HIBADH: variants seen among roughly 807,000 people sequenced by gnomAD.
The protein encoded by HIBADH is 3-hydroxyisobutyrate dehydrogenase, mitochondrial.
HIBADH carries 25 observed loss-of-function variants against 36.1 expected under a neutral mutation model. The ratio of observed to expected loss-of-function variants is 0.69; its 90% CI spans 0.50 to 0.97. The LOEUF is 0.97. Among genes scored for constraint, HIBADH ranks in the 50% least tolerant of loss-of-function variants. The pLI is 0.00. For synonymous variants in HIBADH, 160 were observed against 149.5 expected (o/e 1.07, Z -0.51); for missense variants, 421 against 418.0 (o/e 1.01, Z -0.06).
intron 4 of HIBADH, among the ~76,000 whole-genome samples, chr7:27,585,241 G>A (rs1405122971): frequency 1.4e-5 from 2 of 142,986 alleles, no homozygotes; most frequent in African/African-American, 5.3e-5. Flanking sequence ...GTGCACACAC[G>A]TGTGCATATA....
intron 4 of HIBADH, among the ~76,000 whole-genome samples, chr7:27,610,275 T>C (rs1483499300): frequency 1.3e-5 from 2 of 152,202 alleles, no homozygotes; most frequent in Non-Finnish European, 2.9e-5. Flanking sequence ...ATTTAAAGTA[T>C]ACAATTTGGT....
At chr7:27,547,499 C>T (rs1247992527) in intron 4 of HIBADH, among the ~76,000 whole-genome samples, 1 of 152,182 alleles carries the variant, frequency 6.6e-6, no homozygotes, top group Non-Finnish European at 1.5e-5. Context: ...CATTCACTCA[C>T]ATCCACTAGC....
intron 4 of HIBADH, among the ~76,000 whole-genome samples, chr7:27,614,126 T>C (rs558152002): frequency 6.6e-6 from 1 of 152,338 alleles, no homozygotes; most frequent in East Asian, 1.9e-4. Context: ...GCTTGTTAAA[T>C]ACTTCTGTAA....
chr7:27,601,971 C>G (rs551698047), intron 4 of HIBADH, among the ~76,000 whole-genome samples: 1 of 152,024 alleles, frequency 6.6e-6, no homozygotes, highest in East Asian at 1.9e-4. Context: ...GTATTTTTCT[C>G]TATTTTGTTT....
intron 7 of HIBADH, among the ~76,000 whole-genome samples, chr7:27,527,516 G>A (rs150214782): frequency 2.9e-4 from 44 of 152,226 alleles, no homozygotes; most frequent in Admixed American, 8.5e-4. Context: ...AGCCAAGTAT[G>A]GGCACATCTT....
intron 4 of HIBADH, among the ~76,000 whole-genome samples, chr7:27,583,962 TC>T (rs1299733751): frequency 1.3e-5 from 2 of 152,006 alleles, no homozygotes; most frequent in Non-Finnish European, 2.9e-5. Flanking sequence ...ATTTTTCAAA[TC>T]TCTTTAGTTC....
chr7:27,648,559 GAA>G (rs1786118703), intron 2 of HIBADH, among the ~76,000 whole-genome samples: 2 of 151,914 alleles, frequency 1.3e-5, no homozygotes, highest in African/African-American at 2.4e-5. Flanking sequence ...TTTTTCTCAG[GAA>G]TTTTTTAGTA....
At chr7:27,633,649 C>T (rs563909574) in intron 2 of HIBADH, among the ~76,000 whole-genome samples, 30 of 151,902 alleles carry the variant, frequency 2.0e-4, no homozygotes, top group Non-Finnish European at 4.0e-4. Flanking sequence ...GGCAACAGAG[C>T]GAGACCTGTC....
chr7:27,543,730 C>A (rs2128184565), intron 4 of HIBADH, among the ~76,000 whole-genome samples: 1 of 152,250 alleles, frequency 6.6e-6, no homozygotes, highest in South Asian at 2.1e-4. Flanking sequence ...TCTTTTCCTT[C>A]CTGCTATACA....
intron 4 of HIBADH, among the ~76,000 whole-genome samples, chr7:27,626,817 T>A (rs1365885950): frequency 6.6e-6 from 1 of 152,222 alleles, no homozygotes; most frequent in Non-Finnish European, 1.5e-5. Context: ...ATGATGCATT[T>A]TTTAAAGTCT....
intron 1 of HIBADH, among the ~76,000 whole-genome samples, chr7:27,654,606 T>C (rs140979299): frequency 6.6e-5 from 10 of 152,052 alleles, no homozygotes; most frequent in Admixed American, 3.3e-4. Context: ...TAGAAATCTA[T>C]AACCAAGAAA....
At chr7:27,637,851 GAATAA>G (rs950904716) in intron 2 of HIBADH, among the ~76,000 whole-genome samples, 5 of 151,986 alleles carry the variant, frequency 3.3e-5, no homozygotes, top group African/African-American at 4.8e-5. Context: ...GCCACAAAAA[GAATAA>G]AATACAGGAA....
chr7:27,644,132 T>A (rs973105451), intron 2 of HIBADH, among the ~76,000 whole-genome samples: 9 of 152,178 alleles, frequency 5.9e-5, no homozygotes, highest in Non-Finnish European at 7.3e-5. Context: ...TATTCACAGA[T>A]ATATGCAACC....
At chr7:27,610,810 A>G (rs996088373) in intron 4 of HIBADH, among the ~76,000 whole-genome samples, 1 of 152,212 alleles carries the variant, frequency 6.6e-6, no homozygotes, top group African/African-American at 2.4e-5. Context: ...ACCCTTAACT[A>G]TAATAGTGTT....
At chr7:27,651,888 C>A (rs1486917234) in intron 1 of HIBADH, among the ~76,000 whole-genome samples, 1 of 152,010 alleles carries the variant, frequency 6.6e-6, no homozygotes, top group Non-Finnish European at 1.5e-5. Flanking sequence ...GGTGTGGGAA[C>A]TTGAGGAATG....
At position 27,615,453 on chromosome 7, in the gene HIBADH, G is replaced by A. The variant is rs112764398; in HGVS notation, c.484+13918C>T. Among the ~76,000 whole-genome samples, 19 of 152,192 alleles carry A rather than the reference G, an allele frequency of 1.2e-4. 1 individual carries two copies. The highest frequency in any genetic ancestry group is 7.7e-4 in the East Asian group (4 of 5,174). On this transcript the variant is annotated intron_variant, in intron 4 of 7. Transcript: ENST00000265395. ...TTCTAATAATAAAACTGAAGTCTAG[G>A]AGCACAAGAGACGTTTAACAGCTAG... is the stretch of plus-strand genomic sequence containing the variant.
intron 7 of HIBADH, among the ~76,000 whole-genome samples, chr7:27,529,224 CACA>C (rs1157797211): frequency 6.6e-6 from 1 of 152,152 alleles, no homozygotes; most frequent in Non-Finnish European, 1.5e-5. Flanking sequence ...TGTCTATGAA[CACA>C]ACATCCATTC....
chr7:27,640,992 CATA>C (rs1431783544), intron 2 of HIBADH, among the ~76,000 whole-genome samples: 5 of 152,224 alleles, frequency 3.3e-5, no homozygotes, highest in African/African-American at 1.2e-4. Flanking sequence ...CCTCCAGGGT[CATA>C]ATATTCTAAA....
chr7:27,630,272 G>A (rs568048167), intron 3 of HIBADH, among the ~76,000 whole-genome samples: 8 of 152,038 alleles, frequency 5.3e-5, no homozygotes, highest in Non-Finnish European at 1.0e-4. Context: ...AAGTAGCTGC[G>A]ACCACAGGTG....
Sources: allele counts gnomAD v4.1 joint callset (sites outside exome capture counted in the v4.1 genomes callset), GRCh38; gene constraint gnomAD v4.1.1; transcripts MANE v1.5; gene names NCBI Gene and HGNC (gene_info 2026-07-23, HGNC 2026-07-21).